Variants in PTPRT observed in about 807,000 individuals in gnomAD.
PTPRT encodes the protein receptor-type tyrosine-protein phosphatase T.
Under a neutral mutation model 176.8 loss-of-function variants are expected in PTPRT, and 56 were observed. The observed-to-expected ratio is 0.32, with a 90% CI of 0.26 to 0.40. The LOEUF (loss-of-function observed/expected upper bound fraction) is 0.40, where lower values mean the gene tolerates loss of function less well. Ranked by LOEUF, PTPRT falls within the 10% of genes least tolerant of loss-of-function variation. The pLI is 1.00. For synonymous variants in PTPRT, 783 were observed against 739.0 expected (o/e 1.06, Z -0.96); for missense variants, 1,540 against 1,908.2 (o/e 0.81, Z 3.60).
chr20:42,109,033 T>TCA (rs1986776733), intron 23 of PTPRT, among the ~76,000 whole-genome samples: 1 of 143,318 alleles, frequency 7.0e-6, no homozygotes, highest in African/African-American at 2.9e-5. Flanking sequence ...TTGATTGCTA[T>TCA]GAGATATAAA....
intron 16 of PTPRT, among the ~76,000 whole-genome samples, chr20:42,173,161 A>G (rs1990148305): frequency 6.6e-6 from 1 of 152,310 alleles, no homozygotes; most frequent in East Asian, 1.9e-4. Flanking sequence ...AATCAAGTGG[A>G]AAGTTTCACC....
intron 9 of PTPRT, among the ~76,000 whole-genome samples, chr20:42,390,306 G>GA (rs1382225786): frequency 1.3e-5 from 2 of 152,164 alleles, no homozygotes; most frequent in Non-Finnish European, 2.9e-5. Flanking sequence ...TACTTCAGTT[G>GA]AAAAAATTGA....
intron 8 of PTPRT, among the ~76,000 whole-genome samples, chr20:42,450,478 T>C (rs2070808730): frequency 1.3e-5 from 2 of 152,194 alleles, no homozygotes; most frequent in African/African-American, 4.8e-5. Context: ...GCCATTCACA[T>C]TGCTTCTTTT....
At chr20:42,292,634 G>A (rs751899501) in intron 12 of PTPRT, among the ~76,000 whole-genome samples, 1 of 152,106 alleles carries the variant, frequency 6.6e-6, no homozygotes, top group Non-Finnish European at 1.5e-5. Context: ...TGTCTGTAAG[G>A]CAAATACCCC....
chr20:42,598,355 C>G (rs1449008048), intron 7 of PTPRT, among the ~76,000 whole-genome samples: 1 of 152,066 alleles, frequency 6.6e-6, no homozygotes, highest in Non-Finnish European at 1.5e-5. Flanking sequence ...TGGTGTGAAA[C>G]TTTTTGAAAT....
Position 42,354,545 on chromosome 20 carries a change from T to G in PTPRT, c.1561-2260A>C, listed in dbSNP as rs114630196. Among the ~76,000 whole-genome samples the G allele has an allele frequency of 5.8e-4, 88 of 152,344 alleles. 1 individual carries two copies. The highest frequency in any genetic ancestry group is 2.0e-3 in the African/African-American group (85 of 41,580). ...ATTCACTCATCCACTTATTTGCTCC[T>G]TCACAGTGTTTCCTGTGTACTCCTG... On this transcript the variant is annotated intron_variant, in intron 9 of 30. Transcript: ENST00000373187.
intron 2 of PTPRT, among the ~76,000 whole-genome samples, chr20:42,792,084 T>C (rs927581729): frequency 6.6e-6 from 1 of 152,230 alleles, no homozygotes; most frequent in Non-Finnish European, 1.5e-5. Flanking sequence ...GAAAAGGATG[T>C]GCCCCCAGTA....
chr20:42,074,734 T>G lies in PTPRT; in HGVS notation c.*6145A>C, dbSNP rs1982610653. The G allele has an allele frequency of 2.5e-6, 1 of 398,616 alleles. No individual in the cohort carries two copies. The highest frequency in any genetic ancestry group is 4.4e-6 in the Non-Finnish European group (1 of 226,076). 24.7% of individuals were successfully genotyped at this position (398,616 alleles called of 1,614,324 possible). Reference sequence around the variant, plus strand: ...CCTCCTTTTAGAGACCTAACATTCATGAGTGGATTTCAGTTGGTGAATGCC... The same window carrying G: ...CCTCCTTTTAGAGACCTAACATTCAGGAGTGGATTTCAGTTGGTGAATGCC... On this transcript the variant is annotated 3_prime_UTR_variant, in exon 31 of 31. Transcript: ENST00000373187.
At chr20:43,113,589 CT>C (rs1412673253) in intron 1 of PTPRT, among the ~76,000 whole-genome samples, 2 of 152,142 alleles carry the variant, frequency 1.3e-5, no homozygotes, top group African/African-American at 4.8e-5. Context: ...ACCCTTCTGT[CT>C]TTGAAAAAAT....
At chr20:42,456,691 T>C (rs2070931355) in intron 8 of PTPRT, among the ~76,000 whole-genome samples, 1 of 152,160 alleles carries the variant, frequency 6.6e-6, no homozygotes, top group African/African-American at 2.4e-5. Context: ...ACACTAATTT[T>C]TTAAACTATT....
At chr20:43,188,460 C>A (rs1220455327) in intron 1 of PTPRT, among the ~76,000 whole-genome samples, 2 of 152,124 alleles carry the variant, frequency 1.3e-5, no homozygotes, top group African/African-American at 4.8e-5. Context: ...TAACCTCAGA[C>A]GCAGCTTGTG....
chr20:42,737,355 G>A (rs1026686636), intron 6 of PTPRT, among the ~76,000 whole-genome samples: 4 of 152,220 alleles, frequency 2.6e-5, no homozygotes, highest in Admixed American at 1.3e-4. Flanking sequence ...CATGGGCTGG[G>A]CATGGTGGCT....
In PTPRT at chr20:42,607,764, G is replaced by T. The variant is rs563573769; in HGVS notation, c.1153+70102C>A. On this transcript the variant is annotated intron_variant, in intron 7 of 30. Coordinates refer to ENST00000373187, the MANE Select transcript of PTPRT (RefSeq NM_007050.6). ...TTGCATGGGGCTGGGAGTGCACAGCGGGGGAGCCTGAATGAGCAGGCAGAG... is the reference window on the plus strand; with the variant it reads ...TTGCATGGGGCTGGGAGTGCACAGCTGGGGAGCCTGAATGAGCAGGCAGAG... Among the ~76,000 whole-genome samples, 5 of 152,260 alleles carry T rather than the reference G, an allele frequency of 3.3e-5. No individual in the cohort carries two copies. In the East Asian group the frequency reaches 7.7e-4, roughly 24 times the overall value.
chr20:42,496,485 C>T (rs776095793), intron 7 of PTPRT, among the ~76,000 whole-genome samples: 5 of 152,020 alleles, frequency 3.3e-5, no homozygotes, highest in African/African-American at 9.7e-5. Context: ...TTTCTGGCAC[C>T]GCTCCTTCTA....
intron 6 of PTPRT, among the ~76,000 whole-genome samples, chr20:42,702,051 G>T (rs377584988): frequency 2.0e-4 from 31 of 152,162 alleles, no homozygotes; most frequent in African/African-American, 5.8e-4. Context: ...CTCCCTCTCT[G>T]TTTACCCACT....
chr20:42,602,794 C>G (rs969765754), intron 7 of PTPRT, among the ~76,000 whole-genome samples: 2 of 151,906 alleles, frequency 1.3e-5, no homozygotes, highest in African/African-American at 4.8e-5. Flanking sequence ...TCAGTTAGAA[C>G]TGATTTCCAC....
At chr20:42,113,069 C>T (rs1218520146) in intron 22 of PTPRT, among the ~76,000 whole-genome samples, 3 of 152,152 alleles carry the variant, frequency 2.0e-5, no homozygotes, top group African/African-American at 7.2e-5. Context: ...AGGTTCCCAG[C>T]TCAGGAACCG....
chr20:42,282,394 G>T lies in PTPRT; in HGVS notation c.2176+95C>A, dbSNP rs146568965. ...GAAAATAACAATTCTTTCTTGTTTT[G>T]AGTTACTGTTGCCTAATCTTTCTCT... On this transcript the variant is annotated intron_variant, in intron 13 of 30. Transcript: ENST00000373187. The T allele has an allele frequency of 2.9e-4, 360 of 1,255,792 alleles. 5 individuals are homozygous for T. In the East Asian group the frequency reaches 8.5e-3, roughly 29 times the overall value. 77.8% of individuals were successfully genotyped at this position (1,255,792 alleles called of 1,614,324 possible). A position where few individuals can be genotyped will look rare whatever the true frequency, so the allele number is the denominator to read the frequency against.
intron 9 of PTPRT, among the ~76,000 whole-genome samples, chr20:42,372,023 G>C (rs182587826): frequency 8.3e-4 from 126 of 152,236 alleles, no homozygotes; most frequent in African/African-American, 2.9e-3. Context: ...TAGTCTTCAG[G>C]CTATTTTGGG....
Sources: gnomAD v4.1 joint callset for allele counts (sites outside exome capture counted in the v4.1 genomes callset) on GRCh38, gnomAD v4.1.1 for gene constraint, MANE v1.5 for transcripts, NCBI Gene and HGNC (gene_info 2026-07-23, HGNC 2026-07-21) for gene names.